Variants in GLT8D2 observed in about 807,000 individuals in gnomAD.
The protein encoded by GLT8D2 is glycosyltransferase 8 domain-containing protein 2.
In GLT8D2, 45 loss-of-function variants were observed where a neutral mutation model predicts 44.5. The ratio of observed to expected loss-of-function variants is 1.01; its 90% CI spans 0.80 to 1.30. The LOEUF is 1.30. Ranked by LOEUF, GLT8D2 falls within the 50% of genes most tolerant of loss-of-function variation. The pLI is 0.00. For synonymous variants in GLT8D2, 156 were observed against 157.2 expected (o/e 0.99, Z 0.06); for missense variants, 400 against 430.4 (o/e 0.93, Z 0.62).
intron 6 of GLT8D2, among the ~76,000 whole-genome samples, chr12:103,998,828 C>T (rs546775400): frequency 1.2e-4 from 19 of 152,228 alleles, no homozygotes; most frequent in East Asian, 9.7e-4. Flanking sequence ...ATTACAAGCA[C>T]GAGCCAGCAC....
chr12:104,019,665 A>G lies in GLT8D2; in HGVS notation c.-17T>C, dbSNP rs200110025. The G allele has an allele frequency of 5.0e-6, 8 of 1,607,162 alleles. No individual in the cohort carries two copies. The highest frequency in any genetic ancestry group is 6.8e-6 in the Non-Finnish European group (8 of 1,175,400). ...CAGAGCCATGTGTATTCACGCGGAT[A>G]AGAACTGTAACCTGTGGATTAAAGG... On this transcript the variant is annotated 5_prime_UTR_variant, in exon 3 of 11. Coordinates refer to ENST00000360814, the MANE Select transcript of GLT8D2 (RefSeq NM_001384711.1).
At position 104,039,754 on chromosome 12, in the gene GLT8D2, T is replaced by C. The variant is rs11838237; in HGVS notation, c.-164+10141A>G. On this transcript the variant is annotated intron_variant, in intron 1 of 10. Coordinates refer to ENST00000360814, the MANE Select transcript of GLT8D2 (RefSeq NM_001384711.1). ...ACAGTGTGGTGATGCCTCAAGGATC[T>C]AGAACTAGAAATACCATTTGACCCA... 1.0e-2 allele frequency among the ~76,000 whole-genome samples: 1,520 copies of C among 152,304 alleles called. 24 individuals carry two copies. The highest frequency in any genetic ancestry group is 0.035 in the African/African-American group (1,444 of 41,546).
At chr12:104,009,114 C>T (rs964014673) in intron 4 of GLT8D2, among the ~76,000 whole-genome samples, 3 of 152,182 alleles carry the variant, frequency 2.0e-5, no homozygotes, top group African/African-American at 7.2e-5. Flanking sequence ...AGAGGGCCAC[C>T]ATCCTCCAGA....
At chr12:104,013,861 C>T (rs1339013802) in intron 4 of GLT8D2, among the ~76,000 whole-genome samples, 4 of 152,196 alleles carry the variant, frequency 2.6e-5, no homozygotes, top group African/African-American at 9.6e-5. Flanking sequence ...CTCATTCCAG[C>T]TCCCAAGTAG....
At chr12:104,053,445 T>G (rs1472796318), upstream of GLT8D2, among the ~76,000 whole-genome samples, 3 of 152,212 alleles carry the variant, frequency 2.0e-5, no homozygotes, top group African/African-American at 7.2e-5. Context: ...ATACCTAGTG[T>G]GAGCACAGGT....
intron 1 of GLT8D2, among the ~76,000 whole-genome samples, chr12:104,024,246 A>G (rs1394764547): frequency 6.6e-6 from 1 of 152,046 alleles, no homozygotes; most frequent in Admixed American, 6.5e-5. Flanking sequence ...AAACAAAAAA[A>G]CCCTCAAAAA....
intron 1 of GLT8D2, among the ~76,000 whole-genome samples, chr12:104,033,773 T>C (rs986277784): frequency 1.5e-5 from 2 of 133,424 alleles, no homozygotes; most frequent in Non-Finnish European, 3.1e-5. Context: ...TATATATATA[T>C]GTGTGTGTGT....
rs187655361 is a variant in GLT8D2 at position 104,003,838 on chromosome 12, C to G, written c.113-532G>C. The stretch of plus-strand genomic sequence containing the variant: ...TTATGTCGCTATTGAAACCATACCC[C>G]CAAAGAGTTAAAGAAACCAATGACT... On this transcript the variant is annotated intron_variant, in intron 4 of 10. Coordinates refer to ENST00000360814, the MANE Select transcript of GLT8D2 (RefSeq NM_001384711.1). Among the ~76,000 whole-genome samples the G allele has an allele frequency of 1.8e-3, 268 of 152,210 alleles. 1 individual carries two copies. The highest frequency in any genetic ancestry group is 6.3e-3 in the African/African-American group (260 of 41,518).
At chr12:104,021,825 GAAAGAGAGAAAGGAAGGAAGGA>G (rs1278818982) in intron 1 of GLT8D2, among the ~76,000 whole-genome samples, 2 of 136,270 alleles carry the variant, frequency 1.5e-5, no homozygotes, top group Non-Finnish European at 3.2e-5. Context: ...GAAAAGAAAA[GAAAGAGAGAAAGGAAGGAAGGA>G]GAAGGAGAAG....
chr12:104,043,560 G>A lies in GLT8D2; in HGVS notation c.-164+6335C>T, dbSNP rs866522759. ...TGGCTCACTGCAACCTCCGCCTCCT[G>A]GGTTAGAGCAATTCTCCTGCCTCAG... is the stretch of plus-strand genomic sequence containing the variant. On this transcript the variant is annotated intron_variant, in intron 1 of 10. Coordinates refer to ENST00000360814, the MANE Select transcript of GLT8D2 (RefSeq NM_001384711.1). Among the ~76,000 whole-genome samples the A allele has an allele frequency of 9.9e-5, 15 of 152,210 alleles. No homozygotes were observed. The South Asian group carries it at 1.5e-3, about 15-fold the overall frequency.
chr12:103,990,078 AATATATATATATAT>A (rs57178471), intron 10 of GLT8D2, among the ~76,000 whole-genome samples: 1,410 of 122,140 alleles, frequency 0.012, 26 homozygotes, highest in Admixed American at 0.049. Context: ...TATGTGTACA[AATATATATATATAT>A]ATATATATAT....
chr12:104,033,813 T>C (rs1465076924), intron 1 of GLT8D2, among the ~76,000 whole-genome samples: 1 of 151,138 alleles, frequency 6.6e-6, no homozygotes, highest in Non-Finnish European at 1.5e-5. Flanking sequence ...TGTGTATATA[T>C]ATATATATAT....
At chr12:103,993,318 G>T (rs776209082) in intron 10 of GLT8D2, 74 bp downstream of exon 10, 43 of 1,170,842 alleles carry the variant, frequency 3.7e-5, no homozygotes, top group Non-Finnish European at 4.9e-5. Context: ...GCAGCAGAGC[G>T]AGACTCTGTC....
At chr12:104,055,293 A>G (rs1195558378) in intron 1 of GLT8D2, among the ~76,000 whole-genome samples, 1 of 152,260 alleles carries the variant, frequency 6.6e-6, no homozygotes, top group Non-Finnish European at 1.5e-5. Context: ...GCTATAATCC[A>G]TTCAGGTCAG....
intron 3 of GLT8D2, among the ~76,000 whole-genome samples, chr12:104,019,291 C>T (rs1877320271): frequency 6.6e-6 from 1 of 152,096 alleles, no homozygotes; most frequent in Admixed American, 6.6e-5. Flanking sequence ...CCATGCCTGG[C>T]TAATTTTTGT....
chr12:104,053,599 A>T (rs897368778), upstream of GLT8D2, among the ~76,000 whole-genome samples: 2 of 152,352 alleles, frequency 1.3e-5, no homozygotes, highest in Non-Finnish European at 2.9e-5. Context: ...CAAAAGTAAT[A>T]TTTAGCCGGG....
intron 5 of GLT8D2, among the ~76,000 whole-genome samples, chr12:104,000,569 A>G (rs1874068578): frequency 6.6e-6 from 1 of 152,196 alleles, no homozygotes; most frequent in East Asian, 1.9e-4. Flanking sequence ...AAAAGGGGGC[A>G]GGGAGTAGAC....
chr12:104,003,604 A>G (rs1566193691), intron 4 of GLT8D2, among the ~76,000 whole-genome samples: 2 of 152,176 alleles, frequency 1.3e-5, no homozygotes, highest in Non-Finnish European at 2.9e-5. Context: ...CTTCAAAGGA[A>G]TGCTCACTCA....
At chr12:104,007,059 T>C (rs924278347) in intron 4 of GLT8D2, among the ~76,000 whole-genome samples, 1 of 152,192 alleles carries the variant, frequency 6.6e-6, no homozygotes, top group Non-Finnish European at 1.5e-5. Context: ...ACATGACTAA[T>C]GCACAAGATA....
Sources: gnomAD v4.1 joint callset for allele counts (sites outside exome capture counted in the v4.1 genomes callset) on GRCh38, gnomAD v4.1.1 for gene constraint, MANE v1.5 for transcripts, NCBI Gene and HGNC (gene_info 2026-07-23, HGNC 2026-07-21) for gene names.